The following TUFT1 variants were observed in gnomAD, a reference collection of about 807,000 sequenced individuals.
TUFT1 encodes the protein tuftelin 1, also known as tuftelin.
TUFT1 carries 43 observed loss-of-function variants against 57.8 expected under a neutral mutation model. The ratio of observed to expected loss-of-function variants is 0.74; its 90% CI spans 0.58 to 0.96. The LOEUF is 0.96. TUFT1 is among the 40% of genes least tolerant of loss of function. TUFT1 has a pLI of 0.00. For synonymous variants in TUFT1, 166 were observed against 176.7 expected (o/e 0.94, Z 0.48); for missense variants, 459 against 489.0 (o/e 0.94, Z 0.58).
intron 1 of TUFT1, among the ~76,000 whole-genome samples, chr1:151,551,555 T>G (rs1046479012): frequency 6.6e-6 from 1 of 152,064 alleles, no homozygotes; most frequent in African/African-American, 2.4e-5. Flanking sequence ...CCTTGAAGGC[T>G]GAGCAGGAAT....
rs1400127965 is a variant in TUFT1, at chr1:151,581,977, A to G, written c.*270A>G. The G allele has an allele frequency of 8.4e-6, 5 of 594,182 alleles. No individual in the cohort carries two copies. Among genetic ancestry groups the G allele is most frequent in the African/African-American group, 3.7e-5 (2 of 54,290 alleles). 36.8% of individuals were successfully genotyped at this position (594,182 alleles called of 1,614,324 possible). Reference sequence around the variant, plus strand: ...CAATATCTATATTCCTACAGTGACTATTTTTCTCTGTAGAGAGCCTCCCTT... The same window carrying G: ...CAATATCTATATTCCTACAGTGACTGTTTTTCTCTGTAGAGAGCCTCCCTT... On this transcript the variant is annotated 3_prime_UTR_variant, in exon 13 of 13. Coordinates refer to ENST00000368849, the MANE Select transcript of TUFT1 (RefSeq NM_020127.3).
In TUFT1 at chr1:151,564,476, GCT is replaced by G; in HGVS notation, c.325-44_325-43del. On this transcript the variant is annotated intron_variant, in intron 4 of 12. Coordinates refer to ENST00000368849, the MANE Select transcript of TUFT1 (RefSeq NM_020127.3). ...GGCACAGAGTTGGGTGAGTTGGCAT[GCT>G]CTCTTTCTCTACCCTAAAGCTCAAG... 4.2e-6 allele frequency: 6 copies of G among 1,440,236 alleles called. No individual in the cohort carries two copies. The South Asian group carries it at 4.7e-5, about 11-fold the overall frequency. The allele number at this position is 1,440,236 out of a possible 1,614,324, so 89.2% of individuals were successfully genotyped here.
At chr1:151,572,894 GGCT>G (rs1177203064) in intron 7 of TUFT1, among the ~76,000 whole-genome samples, 1 of 152,124 alleles carries the variant, frequency 6.6e-6, no homozygotes, top group Non-Finnish European at 1.5e-5. Flanking sequence ...GTTTTCCCAG[GGCT>G]GGCTGCTAGG....
At chr1:151,581,578 C>A in intron 12 of TUFT1, 66 bp from the exon 13 acceptor site, 1 of 1,522,926 alleles carries the variant, frequency 6.6e-7, no homozygotes, top group East Asian at 2.3e-5. Context: ...TCCAGGGGCT[C>A]TGTGAAGGGT....
chr1:151,562,093 C>A lies in TUFT1; in HGVS notation c.63C>A (p.Gly21=). 6.2e-7 allele frequency: 1 copy of A among 1,613,906 alleles called. No individual in the cohort carries two copies. Among genetic ancestry groups the A allele is most frequent in the Non-Finnish European group, 8.5e-7 (1 of 1,179,840 alleles). ...VDVHPEDQAA[G]SVDILRLTLQ... ...GTTGCTGTCATTGTCATTATTAGGG[C>A]AGCGTGGACATTCTCAGGCTGACTC... is the stretch of plus-strand genomic sequence containing the variant. The change falls in exon 2 of 13, where the codon GGC becomes GGA. Residue 21 remains glycine, a splice_region_variant and synonymous_variant. Transcript: ENST00000368849.
intron 7 of TUFT1, among the ~76,000 whole-genome samples, chr1:151,571,826 T>C (rs186636908): frequency 6.6e-5 from 10 of 152,288 alleles, no homozygotes; most frequent in African/African-American, 2.4e-4. Flanking sequence ...CTGACAGCTA[T>C]AGCCCACTGC....
Position 151,578,831 on chromosome 1 carries a change from G to A in TUFT1, c.924+5G>A, listed in dbSNP as rs779139810. 2 of 1,556,012 alleles carry A rather than the reference G, an allele frequency of 1.3e-6. No individual in the cohort carries two copies. Among genetic ancestry groups the A allele is most frequent in the South Asian group, 2.4e-5 (2 of 84,588 alleles). Reference sequence around the variant, plus strand: ...GTCCGGCAAATGATAGAGCAGGTAAGTTGGGCTGGTTTGTAACCTGCCCTC... The same window carrying A: ...GTCCGGCAAATGATAGAGCAGGTAAATTGGGCTGGTTTGTAACCTGCCCTC... On this transcript the variant is annotated splice_donor_5th_base_variant and intron_variant, in intron 10 of 12. Coordinates refer to ENST00000368849, the MANE Select transcript of TUFT1 (RefSeq NM_020127.3).
chr1:151,578,227 C>G (rs1199932849), intron 9 of TUFT1, among the ~76,000 whole-genome samples: 1 of 152,168 alleles, frequency 6.6e-6, no homozygotes, highest in Non-Finnish European at 1.5e-5. Context: ...CCAGAGTTAT[C>G]CAGAATGACT....
Position 151,573,802 on chromosome 1 carries a change from C to T in TUFT1, c.595-468C>T, listed in dbSNP as rs115073009. 5.9e-3 allele frequency among the ~76,000 whole-genome samples: 899 copies of T among 152,270 alleles called. 6 individuals carry two copies. Among genetic ancestry groups the T allele is most frequent in the African/African-American group, 0.021 (861 of 41,552 alleles). ...AAATTCTTCCTGATGCTTAGTAGCC[C>T]TTCCAGGTGCCATTTTGGCTGTTGT... On this transcript the variant is annotated intron_variant, in intron 7 of 12. Coordinates refer to ENST00000368849, the MANE Select transcript of TUFT1 (RefSeq NM_020127.3).
intron 1 of TUFT1, chr1:151,540,659 A>T (rs1665132688): frequency 1.8e-6 from 1 of 551,196 alleles, no homozygotes; most frequent in Non-Finnish European, 3.2e-6. Flanking sequence ...CTTTGGTAGG[A>T]CACTGCGGCT....
chr1:151,574,725 T>C (rs940578466), intron 8 of TUFT1, among the ~76,000 whole-genome samples, 186 bp from the exon 9 acceptor site: 42 of 152,176 alleles, frequency 2.8e-4, no homozygotes, highest in Non-Finnish European at 7.4e-5. Context: ...TGGGTGAGGC[T>C]GAGTGAGAGT....
chr1:151,561,325 G>A (rs951714184), intron 1 of TUFT1, among the ~76,000 whole-genome samples: 10 of 151,890 alleles, frequency 6.6e-5, no homozygotes, highest in East Asian at 1.9e-4. Flanking sequence ...TTTGAAGCCC[G>A]GGCAACATGG....
In TUFT1 at chr1:151,574,287, C is replaced by T. The variant is rs990788738; in HGVS notation, c.612C>T (p.Tyr204=). The change falls in exon 8 of 13, where the codon TAC becomes TAT. Residue 204 remains tyrosine, a synonymous_variant. Coordinates refer to ENST00000368849, the MANE Select transcript of TUFT1 (RefSeq NM_020127.3). ...TGTTTTAGGTCACACTCAGCCGGTACCAGAGGGAAGCAGAACAAAGTAATG... is the reference window on the plus strand; with the variant it reads ...TGTTTTAGGTCACACTCAGCCGGTATCAGAGGGAAGCAGAACAAAGTAATG... ...CVAFEVTLSR[Y]QREAEQSNVA... The T allele has an allele frequency of 6.2e-7, 1 of 1,613,998 alleles. No individual in the cohort carries two copies. Among genetic ancestry groups the T allele is most frequent in the Non-Finnish European group, 8.5e-7 (1 of 1,179,970 alleles).
chr1:151,554,539 A>G (rs563276736), intron 1 of TUFT1, among the ~76,000 whole-genome samples: 1 of 151,834 alleles, frequency 6.6e-6, no homozygotes, highest in African/African-American at 2.4e-5. Flanking sequence ...AGCTGGGACT[A>G]CAGGCACGTG....
At chr1:151,577,394 G>A (rs1666506758) in intron 9 of TUFT1, among the ~76,000 whole-genome samples, 2 of 151,998 alleles carry the variant, frequency 1.3e-5, no homozygotes, top group African/African-American at 4.8e-5. Flanking sequence ...AGCTATCTAG[G>A]GACCCCAGCC....
chr1:151,560,237 G>A (rs1002531554), intron 1 of TUFT1, among the ~76,000 whole-genome samples: 13 of 151,460 alleles, frequency 8.6e-5, no homozygotes, highest in Non-Finnish European at 1.6e-4. Flanking sequence ...CCAATGTGGC[G>A]AAACCCCGTC....
intron 2 of TUFT1, 87 bp downstream of exon 2, chr1:151,562,252 C>T (rs937828073): frequency 9.8e-6 from 12 of 1,227,900 alleles, no homozygotes; most frequent in Middle Eastern, 5.0e-4. Flanking sequence ...TGCCTGGAGC[C>T]GACTCTGGTG....
chr1:151,563,510 C>G (rs895749543), intron 3 of TUFT1, among the ~76,000 whole-genome samples: 1 of 152,168 alleles, frequency 6.6e-6, no homozygotes, highest in Admixed American at 6.5e-5. Flanking sequence ...CAATAGGGTA[C>G]ACCATACAGC....
chr1:151,570,578 C>A (rs562355765), intron 7 of TUFT1, among the ~76,000 whole-genome samples: 77 of 152,114 alleles, frequency 5.1e-4, no homozygotes, highest in African/African-American at 1.8e-3. Context: ...CCATGCCCGG[C>A]CTGGAATGAG....
Sources: allele counts gnomAD v4.1 joint callset (sites outside exome capture counted in the v4.1 genomes callset), GRCh38; gene constraint gnomAD v4.1.1; transcripts MANE v1.5; gene names NCBI Gene and HGNC (gene_info 2026-07-23, HGNC 2026-07-21).